RANBP10: variants seen among roughly 807,000 people sequenced by gnomAD.
RANBP10 encodes ran-binding protein 10.
In RANBP10, 24 loss-of-function variants were observed where a neutral mutation model predicts 72.8. The observed-to-expected ratio is 0.33, with a 90% CI of 0.24 to 0.46. The LOEUF is 0.46. RANBP10 is among the 20% of genes least tolerant of loss of function. The pLI is 1.00. For missense variants in RANBP10, 679 were observed against 817.5 expected (o/e 0.83, Z 2.07); for synonymous variants, 310 against 322.3 (o/e 0.96, Z 0.41).
At chr16:67,790,100 T>TAA (rs968491726) in intron 2 of RANBP10, among the ~76,000 whole-genome samples, 1 of 138,350 alleles carries the variant, frequency 7.2e-6, no homozygotes, top group Non-Finnish European at 1.6e-5. Context: ...TGTCTCAAAT[T>TAA]AAAAAAAAAA....
chr16:67,791,808 C>T (rs925450520), intron 2 of RANBP10, among the ~76,000 whole-genome samples: 6 of 152,144 alleles, frequency 3.9e-5, no homozygotes, highest in African/African-American at 1.4e-4. Context: ...GGAAAAACAA[C>T]AACTGATATT....
chr16:67,767,454 C>CAAAAAAA (rs1178049394), intron 3 of RANBP10, among the ~76,000 whole-genome samples: 1 of 64,072 alleles, frequency 1.6e-5, no homozygotes. Context: ...GACCCTGTTT[C>CAAAAAAA]AAAAAAAAAA....
Position 67,724,076 on chromosome 16 carries a change from AC to A in RANBP10, c.*2351del, listed in dbSNP as rs1264074620. 2.0e-5 allele frequency: 3 copies of A among 152,682 alleles called. No individual in the cohort carries two copies. Among genetic ancestry groups the A allele is most frequent in the Admixed American group, 2.0e-4 (3 of 15,274 alleles). The allele number at this position is 152,682 out of a possible 1,614,324, so 9.5% of individuals were successfully genotyped here. A position where few individuals can be genotyped will look rare whatever the true frequency, so the allele number is the denominator to read the frequency against. On this transcript the variant is annotated 3_prime_UTR_variant, in exon 14 of 14. Transcript: ENST00000317506. ...GGTACCAAGTGCGAGCCAGGCAGACACCCAACCCCATGCAGCACACAGCTGT... is the reference window on the plus strand; with the variant it reads ...GGTACCAAGTGCGAGCCAGGCAGACACCAACCCCATGCAGCACACAGCTGT...
chr16:67,746,606 A>G (rs2054085153), intron 3 of RANBP10, among the ~76,000 whole-genome samples: 1 of 152,310 alleles, frequency 6.6e-6, no homozygotes, highest in South Asian at 2.1e-4. Context: ...AGCTATGATC[A>G]TGCCAGTGTA....
chr16:67,805,880 A>AC (rs1025978296), intron 1 of RANBP10, among the ~76,000 whole-genome samples: 1 of 152,020 alleles, frequency 6.6e-6, no homozygotes, highest in Non-Finnish European at 1.5e-5. Context: ...CCTGGAAGAC[A>AC]CCCCCCAAAC....
At chr16:67,734,335 C>T (rs377163622) in intron 6 of RANBP10, among the ~76,000 whole-genome samples, 3 of 152,192 alleles carry the variant, frequency 2.0e-5, no homozygotes, top group East Asian at 1.9e-4. Flanking sequence ...GGGAGTTCAG[C>T]GACACTGGCT....
At position 67,725,769 on chromosome 16, in the gene RANBP10, A is replaced by C. The variant is rs1200910724; in HGVS notation, c.*659T>G. Reference sequence around the variant, plus strand: ...CCCACTAAGTGGCCCACCAAACCCTATTTGGGTTTCCTAGGCTGCAGCTCG... The same window carrying C: ...CCCACTAAGTGGCCCACCAAACCCTCTTTGGGTTTCCTAGGCTGCAGCTCG... On this transcript the variant is annotated 3_prime_UTR_variant, in exon 14 of 14. Transcript: ENST00000317506. 6.6e-6 allele frequency: 1 copy of C among 152,394 alleles called. No individual in the cohort carries two copies. Among genetic ancestry groups the C allele is most frequent in the Non-Finnish European group, 1.5e-5 (1 of 67,984 alleles). The allele number at this position is 152,394 out of a possible 1,614,324, so 9.4% of individuals were successfully genotyped here.
At chr16:67,761,964 T>C (rs1461197598) in intron 3 of RANBP10, among the ~76,000 whole-genome samples, 11 of 151,932 alleles carry the variant, frequency 7.2e-5, no homozygotes, top group African/African-American at 4.8e-5. Context: ...ATAATAAGAA[T>C]AGCTAATACA....
chr16:67,784,798 G>A (rs2054880125), intron 2 of RANBP10, among the ~76,000 whole-genome samples: 1 of 150,416 alleles, frequency 6.6e-6, no homozygotes, highest in Non-Finnish European at 1.5e-5. Flanking sequence ...CAGCCTGGGT[G>A]ACAAGAGCGA....
At chr16:67,732,847 A>C (rs1303507199) in intron 6 of RANBP10, among the ~76,000 whole-genome samples, 2 of 151,450 alleles carry the variant, frequency 1.3e-5, no homozygotes, top group African/African-American at 2.4e-5. Flanking sequence ...GGAGATCAAG[A>C]CCATCCTGGC....
At chr16:67,741,840 A>T (rs1241653890) in intron 4 of RANBP10, among the ~76,000 whole-genome samples, 3 of 152,192 alleles carry the variant, frequency 2.0e-5, no homozygotes, top group Non-Finnish European at 4.4e-5. Flanking sequence ...CCGCTGCTGT[A>T]AAGTGGGGAA....
chr16:67,790,492 A>G (rs11861657), intron 2 of RANBP10, among the ~76,000 whole-genome samples: 21,561 of 151,532 alleles, frequency 0.14, 3,405 homozygotes, highest in African/African-American at 0.38. Flanking sequence ...ACACATACAC[A>G]GAGACACCAA....
intron 5 of RANBP10, among the ~76,000 whole-genome samples, chr16:67,735,259 A>G (rs1265136753): frequency 6.6e-6 from 1 of 152,222 alleles, no homozygotes; most frequent in Non-Finnish European, 1.5e-5. Context: ...AGCAAGGCAC[A>G]TCATGGAGAG....
At chr16:67,753,530 A>G (rs2054234203) in intron 3 of RANBP10, among the ~76,000 whole-genome samples, 1 of 152,166 alleles carries the variant, frequency 6.6e-6, no homozygotes, top group African/African-American at 2.4e-5. Context: ...TGGGCTAGCA[A>G]TGGGAGGGGG....
intron 2 of RANBP10, among the ~76,000 whole-genome samples, chr16:67,797,447 T>C (rs993562704): frequency 4.6e-5 from 7 of 152,166 alleles, no homozygotes; most frequent in East Asian, 1.9e-4. Flanking sequence ...GGCAGGAGGA[T>C]TGATTGAGCG....
intron 3 of RANBP10, among the ~76,000 whole-genome samples, chr16:67,748,322 C>G (rs1322553559): frequency 6.6e-6 from 1 of 151,352 alleles, no homozygotes; most frequent in African/African-American, 2.4e-5. Context: ...GAGTTTAAGA[C>G]CAGCCTAGCC....
At chr16:67,728,648 G>A in intron 10 of RANBP10, 137 bp from the exon 11 acceptor site, 1 of 1,494,896 alleles carries the variant, frequency 6.7e-7, no homozygotes, top group Non-Finnish European at 9.0e-7. Flanking sequence ...GACAGCTCAG[G>A]CTTCCAAGTC....
chr16:67,769,442 T>TAAAAA (rs1567699137), intron 3 of RANBP10, among the ~76,000 whole-genome samples: 1 of 480 alleles, frequency 2.1e-3, no homozygotes. Context: ...AGACCCTGTC[T>TAAAAA]CAAAAAAAAA....
chr16:67,778,698 T>C (rs2054755858), intron 2 of RANBP10, among the ~76,000 whole-genome samples: 2 of 151,450 alleles, frequency 1.3e-5, no homozygotes, highest in Non-Finnish European at 2.9e-5. Flanking sequence ...AAAATGAGAG[T>C]GGCAAAGGCC....
Sources: gnomAD v4.1 joint callset for allele counts (sites outside exome capture counted in the v4.1 genomes callset) on GRCh38, gnomAD v4.1.1 for gene constraint, MANE v1.5 for transcripts, NCBI Gene and HGNC (gene_info 2026-07-23, HGNC 2026-07-21) for gene names.